Variants in NUP214 observed in about 807,000 individuals in gnomAD.
NUP214 encodes the protein nuclear pore complex protein Nup214.
In NUP214, 79 loss-of-function variants were observed where a neutral mutation model predicts 196.2. That is an observed-to-expected ratio of 0.40 (90% CI 0.34 to 0.49). NUP214 has a LOEUF of 0.49. Ranked by LOEUF, NUP214 falls within the 20% of genes least tolerant of loss-of-function variation. NUP214 has a pLI of 0.58. For synonymous variants in NUP214, 1,020 were observed against 990.5 expected (o/e 1.03, Z -0.56); for missense variants, 2,468 against 2,539.0 (o/e 0.97, Z 0.60).
At chr9:131,159,532 A>C (rs775442688) in intron 18 of NUP214, 46 bp downstream of exon 18, 14 of 1,430,806 alleles carry the variant, frequency 9.8e-6, no homozygotes, top group Admixed American at 3.5e-5. Context: ...AGATATTGCT[A>C]TTGCCATTTT....
In NUP214 at chr9:131,234,025, G is replaced by A. The variant is rs1352114562; in HGVS notation, c.*538G>A. ...CACTCTGCGATTGAGTGGAGGCAGAGGAAGCCACTCATGCCAGCAGCAGTT... is the reference window on the plus strand; with the variant it reads ...CACTCTGCGATTGAGTGGAGGCAGAAGAAGCCACTCATGCCAGCAGCAGTT... On this transcript the variant is annotated 3_prime_UTR_variant, in exon 36 of 36. Transcript: ENST00000359428. The A allele has an allele frequency of 3.5e-5, 9 of 254,878 alleles. No individual in the cohort carries two copies. The East Asian group carries it at 4.0e-4, about 11-fold the overall frequency. The allele number at this position is 254,878 out of a possible 1,614,324, so 15.8% of individuals were successfully genotyped here.
chr9:131,216,038 G>A (rs1834383696), intron 31 of NUP214, among the ~76,000 whole-genome samples: 1 of 151,384 alleles, frequency 6.6e-6, no homozygotes, highest in African/African-American at 2.4e-5. Flanking sequence ...AGGTAGCTGG[G>A]ATTACAGGCA....
intron 30 of NUP214, among the ~76,000 whole-genome samples, chr9:131,202,387 A>G (rs890818173): frequency 6.8e-6 from 1 of 146,748 alleles, no homozygotes; most frequent in Non-Finnish European, 1.5e-5. Context: ...ATATGTGTGT[A>G]CACACACACA....
At chr9:131,130,137 G>GTTTTGTTTTTTTTTTTTTTTTTTTTTTT (rs1564176236) in intron 4 of NUP214, among the ~76,000 whole-genome samples, 1 of 76,894 alleles carries the variant, frequency 1.3e-5, no homozygotes, top group African/African-American at 5.0e-5. Context: ...TTCTGGTTTT[G>GTTTTGTTTTTTTTTTTTTTTTTTTTTTT]TTTTTTTTTT....
intron 32 of NUP214, among the ~76,000 whole-genome samples, chr9:131,227,375 G>A (rs1365849134): frequency 1.3e-5 from 2 of 152,052 alleles, no homozygotes; most frequent in East Asian, 1.9e-4. Flanking sequence ...TGTCCTCACT[G>A]TTGACTTATT....
Position 131,139,255 on chromosome 9 carries a change from CTTTTTTTT to C in NUP214, c.1006-10_1006-3del, listed in dbSNP as rs200377608. 13 of 1,093,090 alleles carry C rather than the reference CTTTTTTTT, an allele frequency of 1.2e-5. No individual in the cohort carries two copies. In the African/African-American group the frequency reaches 1.5e-4, roughly 13 times the overall value. The allele number at this position is 1,093,090 out of a possible 1,614,324, so 67.7% of individuals were successfully genotyped here. A position where few individuals can be genotyped will look rare whatever the true frequency, so the allele number is the denominator to read the frequency against. On this transcript the variant is annotated intron_variant, in intron 9 of 35. Transcript: ENST00000359428. ...CTTTTTCTTTTTTCTTCTTCTTCTTCTTTTTTTTTTTTTTTTTTTTTTTAGATTAATTG... is the reference window on the plus strand; with the variant it reads ...CTTTTTCTTTTTTCTTCTTCTTCTTCTTTTTTTTTTTTTTTAGATTAATTG...
At chr9:131,139,255 C>CTTCTTT in intron 9 of NUP214, 26 bp from the exon 10 acceptor site, 1 of 1,090,526 alleles carries the variant, frequency 9.2e-7, no homozygotes, top group Non-Finnish European at 1.2e-6. Flanking sequence ...TCTTCTTCTT[C>CTTCTTT]TTTTTTTTTT....
chr9:131,139,981 C>T (rs1220168202), intron 10 of NUP214, among the ~76,000 whole-genome samples: 1 of 152,198 alleles, frequency 6.6e-6, no homozygotes, highest in Non-Finnish European at 1.5e-5. Flanking sequence ...GTGTCCCCGT[C>T]AGGCACCATT....
At chr9:131,129,611 A>T in intron 4 of NUP214, 134 bp downstream of exon 4, 1 of 842,464 alleles carries the variant, frequency 1.2e-6, no homozygotes, top group South Asian at 1.7e-5. Flanking sequence ...TAAGGATGGA[A>T]GGTATTCTTT....
rs576864372 is a variant in NUP214, at chr9:131,167,963, C to T, written c.2893+3819C>T. Reference sequence around the variant, plus strand: ...GTAGTGGTGCAGTCATAGCTCACTGCAGCCCCAACCTCCGTGGCTGAAGCG... The same window carrying T: ...GTAGTGGTGCAGTCATAGCTCACTGTAGCCCCAACCTCCGTGGCTGAAGCG... On this transcript the variant is annotated intron_variant, in intron 21 of 35. Coordinates refer to ENST00000359428, the MANE Select transcript of NUP214 (RefSeq NM_005085.4). Among the ~76,000 whole-genome samples, 42 of 152,328 alleles carry T rather than the reference C, an allele frequency of 2.8e-4. No homozygotes were observed. The South Asian group carries it at 8.3e-3, about 30-fold the overall frequency.
At chr9:131,214,952 G>T (rs1170727423) in intron 30 of NUP214, among the ~76,000 whole-genome samples, 1 of 152,184 alleles carries the variant, frequency 6.6e-6, no homozygotes, top group African/African-American at 2.4e-5. Context: ...CAGTGTAGCA[G>T]ATAAACATTA....
chr9:131,224,413 G>A (rs1254928273), intron 32 of NUP214, among the ~76,000 whole-genome samples: 2 of 152,110 alleles, frequency 1.3e-5, no homozygotes, highest in Non-Finnish European at 1.5e-5. Context: ...GGTGGTCCAG[G>A]GTGGGCTGTT....
At position 131,183,124 on chromosome 9, in the gene NUP214, G is replaced by A. The variant is rs968390622; in HGVS notation, c.3420-4165G>A. On this transcript the variant is annotated intron_variant, in intron 24 of 35. Transcript: ENST00000359428. ...CCCCCAGATGGATTCTTCTTCTGTC[G>A]CCAAGGCTGGAGTGCAGTGGTGCGA... is the stretch of plus-strand genomic sequence containing the variant. Among the ~76,000 whole-genome samples the A allele has an allele frequency of 2.1e-4, 32 of 152,114 alleles. 1 individual carries two copies. The highest frequency in any genetic ancestry group is 6.8e-3 in the Middle Eastern group (2 of 294).
At chr9:131,166,744 G>C (rs1446021638) in intron 21 of NUP214, among the ~76,000 whole-genome samples, 1 of 151,970 alleles carries the variant, frequency 6.6e-6, no homozygotes. Flanking sequence ...GCTTATGTGA[G>C]AGTTTTGCCT....
intron 7 of NUP214, chr9:131,133,809 T>C (rs2133457605): frequency 6.6e-6 from 1 of 152,336 alleles, no homozygotes; most frequent in East Asian, 1.9e-4. Context: ...AGACAGTATC[T>C]TGATTTTTAA....
intron 16 of NUP214, among the ~76,000 whole-genome samples, chr9:131,151,162 T>C (rs902195219): frequency 6.6e-5 from 10 of 152,262 alleles, no homozygotes; most frequent in African/African-American, 2.4e-4. Context: ...ATGAAAATAT[T>C]AAATGCTGGG....
chr9:131,177,281 TG>T (rs1833146379), intron 23 of NUP214, among the ~76,000 whole-genome samples: 1 of 152,204 alleles, frequency 6.6e-6, no homozygotes, highest in Non-Finnish European at 1.5e-5. Flanking sequence ...GAGGTACCTT[TG>T]GGCTTTCTAA....
intron 17 of NUP214, among the ~76,000 whole-genome samples, chr9:131,157,337 T>A (rs928042921): frequency 1.3e-5 from 2 of 152,140 alleles, no homozygotes; most frequent in African/African-American, 4.8e-5. Flanking sequence ...ATTTTTAAAA[T>A]TTTTGTAGAG....
chr9:131,185,327 C>T (rs1436506882), intron 24 of NUP214, among the ~76,000 whole-genome samples: 3 of 152,172 alleles, frequency 2.0e-5, no homozygotes, highest in South Asian at 2.1e-4. Context: ...TCCAAGAACC[C>T]GAGTTTCCAG....
Sources: allele counts gnomAD v4.1 joint callset (sites outside exome capture counted in the v4.1 genomes callset), GRCh38; gene constraint gnomAD v4.1.1; transcripts MANE v1.5; gene names NCBI Gene and HGNC (gene_info 2026-07-23, HGNC 2026-07-21).